Variants in AGTPBP1 observed in about 807,000 individuals in gnomAD.
AGTPBP1 encodes the protein cytosolic carboxypeptidase 1.
In AGTPBP1, 70 loss-of-function variants were observed where a neutral mutation model predicts 143.9. The observed-to-expected ratio is 0.49, with a 90% CI of 0.40 to 0.59. The LOEUF is 0.59. Ranked by LOEUF, AGTPBP1 falls within the 20% of genes least tolerant of loss-of-function variation. The pLI, the probability that AGTPBP1 is intolerant of heterozygous loss-of-function variation, is 0.00. For synonymous variants in AGTPBP1, 463 were observed against 500.2 expected, an observed-to-expected ratio of 0.93 and a Z score of 0.99; for missense variants, 1,229 against 1,464.5, an observed-to-expected ratio of 0.84 and a Z score of 2.62.
At chr9:85,643,918 C>T (rs1832651131) in intron 12 of AGTPBP1, among the ~76,000 whole-genome samples, 1 of 152,092 alleles carries the variant, frequency 6.6e-6, no homozygotes, top group East Asian at 1.9e-4. Context: ...TCAGTTGGTA[C>T]TTATTTTTAA....
At position 85,633,049 on chromosome 9, in the gene AGTPBP1, G is replaced by C; in HGVS notation, c.1628C>G (p.Pro543Arg). The C allele has an allele frequency of 1.2e-6, 2 of 1,614,128 alleles. No individual in the cohort carries two copies. The highest frequency in any genetic ancestry group is 2.2e-5 in the South Asian group (2 of 91,086). ...ALDRITLQNI[P>R]SQTAPGFTAE... Reference sequence around the variant, plus strand: ...AGTAAAACCTGGGGCTGTTTGAGAAGGAATATTCTGCAATGTAATTCGGTC... The same window carrying C: ...AGTAAAACCTGGGGCTGTTTGAGAACGAATATTCTGCAATGTAATTCGGTC... Residue 543 changes from proline to arginine, a missense_variant, in exon 14 of 26, where the codon CCT (proline) becomes CGT (arginine). Pro to Arg is a moderately radical substitution (Grantham distance 103). This residue lies in a region of AGTPBP1 where 743 missense variants were observed against 812.2 expected (regional missense o/e 0.91). Transcript: ENST00000357081.
chr9:85,711,065 CAG>C (rs2134469129), intron 2 of AGTPBP1, among the ~76,000 whole-genome samples: 1 of 152,196 alleles, frequency 6.6e-6, no homozygotes, highest in African/African-American at 2.4e-5. Flanking sequence ...CATTATATAA[CAG>C]ATTTAACGCA....
At chr9:85,677,727 G>T in intron 5 of AGTPBP1, 145 bp from the exon 6 acceptor site, 1 of 695,014 alleles carries the variant, frequency 1.4e-6, no homozygotes, top group Non-Finnish European at 2.2e-6. Context: ...ATAAGGCTGG[G>T]CGCAGTAGCT....
chr9:85,787,943 A>G, the AGTPBP1 span: 2 of 152,136 alleles, frequency 1.3e-5, no homozygotes, highest in African/African-American at 2.4e-5. Context: ...TAGGACCCAA[A>G]CTGTCACCCT....
chr9:85,573,180 T>A (rs1827629230), intron 25 of AGTPBP1, among the ~76,000 whole-genome samples: 1 of 149,386 alleles, frequency 6.7e-6, no homozygotes, highest in African/African-American at 2.4e-5. Context: ...ACTGCTGCCA[T>A]CTCGGCTCAC....
chr9:85,588,351 A>T lies in AGTPBP1; in HGVS notation c.2850T>A (p.Ser950=). The change falls in exon 21 of 26, where the codon TCT becomes TCA. Residue 950 remains serine (S), a synonymous_variant. Transcript: ENST00000357081. The stretch of plus-strand genomic sequence containing the variant: ...ACATAGGGACAATTTTAAAAATATA[A>T]GATTCTCGTAAGCTCTGAGCAGTGG... ...NNPTAQSLRE[S]YIFKIVPMLN... is the part of the protein sequence containing the mutation. The T allele has an allele frequency of 6.2e-7, 1 of 1,610,568 alleles. No homozygotes were observed. The highest frequency in any genetic ancestry group is 8.5e-7 in the Non-Finnish European group (1 of 1,178,924).
chr9:85,742,767 T>C (rs1055902268), upstream of AGTPBP1, among the ~76,000 whole-genome samples: 8 of 152,248 alleles, frequency 5.3e-5, no homozygotes, highest in Non-Finnish European at 8.8e-5. Flanking sequence ...TGTACTTCAG[T>C]GTACTGCAAT....
At position 85,613,987 on chromosome 9, in the gene AGTPBP1, A is replaced by G. The variant is rs189664036; in HGVS notation, c.2335+4996T>C. ...ATAACACATCCAAAGGTTATAGACTATATGGTCACATTACATTCATTGATA... is the reference window on the plus strand; with the variant it reads ...ATAACACATCCAAAGGTTATAGACTGTATGGTCACATTACATTCATTGATA... On this transcript the variant is annotated intron_variant, in intron 17 of 25. Transcript: ENST00000357081. Among the ~76,000 whole-genome samples the G allele has an allele frequency of 5.1e-3, 749 of 147,226 alleles. 5 individuals carry two copies. Among genetic ancestry groups the G allele is most frequent in the African/African-American group, 0.018 (724 of 40,908 alleles).
intron 25 of AGTPBP1, among the ~76,000 whole-genome samples, chr9:85,566,296 G>A (rs1279064436): frequency 2.6e-5 from 4 of 152,020 alleles, no homozygotes; most frequent in Non-Finnish European, 5.9e-5. Flanking sequence ...GAGATGGGAA[G>A]ACTGCTCGAG....
Position 85,741,848 on chromosome 9 carries a change from T to C in AGTPBP1, c.-107A>G. 1 of 1,399,718 alleles carries C rather than the reference T, an allele frequency of 7.1e-7. No individual in the cohort carries two copies. The highest frequency in any genetic ancestry group is 1.5e-5 in the African/African-American group (1 of 66,482). 86.7% of individuals were successfully genotyped at this position (1,399,718 alleles called of 1,614,324 possible). ...GGCTCAGCACCTGGATCACGGCGGA[T>C]CCCTCGCCGCCCGCCGCCCGGTGTT... On this transcript the variant is annotated 5_prime_UTR_variant, in exon 1 of 26. Transcript: ENST00000357081.
intron 1 of AGTPBP1, among the ~76,000 whole-genome samples, chr9:85,732,694 A>G (rs1838970485): frequency 6.6e-6 from 1 of 152,230 alleles, no homozygotes; most frequent in African/African-American, 2.4e-5. Flanking sequence ...CTGGCAGAAT[A>G]GATTTTTTTA....
intron 14 of AGTPBP1, among the ~76,000 whole-genome samples, chr9:85,631,673 G>A (rs1008953808): frequency 3.9e-5 from 6 of 152,266 alleles, no homozygotes; most frequent in South Asian, 4.1e-4. Context: ...AAAATAAGAT[G>A]CAGTTATTTT....
intron 2 of AGTPBP1, among the ~76,000 whole-genome samples, chr9:85,698,486 G>T (rs1036750928): frequency 6.6e-6 from 1 of 152,018 alleles, no homozygotes; most frequent in Non-Finnish European, 1.5e-5. Context: ...CACTAATGTT[G>T]AGAGTCAGAG....
the AGTPBP1 span, among the ~76,000 whole-genome samples, chr9:85,762,176 C>G: frequency 5.3e-5 from 8 of 152,194 alleles, no homozygotes; most frequent in Admixed American, 4.6e-4. Flanking sequence ...GTTGGTGGGA[C>G]TGTAAACTAG....
chr9:85,683,040 A>G (rs1383513199), intron 3 of AGTPBP1, among the ~76,000 whole-genome samples: 1 of 152,214 alleles, frequency 6.6e-6, no homozygotes, highest in Non-Finnish European at 1.5e-5. Flanking sequence ...GGTTCAGTTA[A>G]TGGACTTCAC....
chr9:85,746,189 C>T (rs1471157903), upstream of AGTPBP1, among the ~76,000 whole-genome samples: 1 of 152,056 alleles, frequency 6.6e-6, no homozygotes, highest in Non-Finnish European at 1.5e-5. Context: ...AATCAGACAC[C>T]GCCTTCTCCA....
At chr9:85,650,486 A>G (rs900037488) in intron 11 of AGTPBP1, among the ~76,000 whole-genome samples, 8 of 152,166 alleles carry the variant, frequency 5.3e-5, no homozygotes, top group Admixed American at 2.6e-4. Context: ...TGTCTAGCTT[A>G]CTTTGTTGTA....
chr9:85,765,293 T>A, the AGTPBP1 span, among the ~76,000 whole-genome samples: 1 of 152,178 alleles, frequency 6.6e-6, no homozygotes, highest in Non-Finnish European at 1.5e-5. Context: ...TATATATTTC[T>A]TGAAGGATAC....
At chr9:85,790,869 A>C in the AGTPBP1 span, among the ~76,000 whole-genome samples, 2 of 152,208 alleles carry the variant, frequency 1.3e-5, no homozygotes, top group Non-Finnish European at 2.9e-5. Flanking sequence ...AACCATTCAC[A>C]ACAGAAAAGA....
Sources: gnomAD v4.1 joint callset for allele counts (sites outside exome capture counted in the v4.1 genomes callset) on GRCh38, gnomAD v4.1.1 for gene constraint, gnomAD v4.1.1 regional missense constraint, MANE v1.5 for transcripts, NCBI Gene and HGNC (gene_info 2026-07-23, HGNC 2026-07-21) for gene names.